Variants in SLC44A3 observed in about 807,000 individuals in gnomAD.
SLC44A3 encodes solute carrier family 44 member 3, also known as choline transporter-like protein 3.
A neutral mutation model predicts 75.4 loss-of-function variants in SLC44A3; 74 were observed. That is an observed-to-expected ratio of 0.98 (90% CI 0.81 to 1.19). SLC44A3 has a LOEUF of 1.19. Among genes scored for constraint, SLC44A3 ranks in the 50% most tolerant of loss-of-function variants. The pLI, the probability that SLC44A3 is intolerant of heterozygous loss-of-function variation, is 0.00. For synonymous variants in SLC44A3, 310 were observed against 296.9 expected (o/e 1.04, Z -0.45); for missense variants, 700 against 778.6 (o/e 0.90, Z 1.20).
At chr1:94,891,020 G>T in intron 12 of SLC44A3, 110 bp from the exon 13 acceptor site, 1 of 861,074 alleles carries the variant, frequency 1.2e-6, no homozygotes. Context: ...GTTATGGGTA[G>T]AGAGAGTAGG....
intron 9 of SLC44A3, among the ~76,000 whole-genome samples, 182 bp downstream of exon 9, chr1:94,845,646 A>T (rs957836455): frequency 6.6e-6 from 1 of 152,184 alleles, no homozygotes; most frequent in African/African-American, 2.4e-5. Flanking sequence ...TACCTCTTCT[A>T]TATTGGTTTT....
chr1:94,841,813 C>T (rs1301736019), intron 7 of SLC44A3, among the ~76,000 whole-genome samples, 187 bp from the exon 8 acceptor site: 1 of 152,192 alleles, frequency 6.6e-6, no homozygotes, highest in Non-Finnish European at 1.5e-5. Context: ...CTATGGGTTG[C>T]CCTGGCTCTG....
At chr1:94,849,127 C>T (rs1664853610) in intron 9 of SLC44A3, among the ~76,000 whole-genome samples, 1 of 152,126 alleles carries the variant, frequency 6.6e-6, no homozygotes, top group African/African-American at 2.4e-5. Context: ...GCAAGAGAGA[C>T]CTGGAGGTTA....
chr1:94,843,512 A>T (rs537037776), intron 8 of SLC44A3: 18 of 150,630 alleles, frequency 1.2e-4, no homozygotes, highest in African/African-American at 4.4e-4. Context: ...GTGCTCCCAG[A>T]TCCTGGAGCA....
At chr1:94,853,174 G>A (rs1381389368) in intron 9 of SLC44A3, among the ~76,000 whole-genome samples, 1 of 152,188 alleles carries the variant, frequency 6.6e-6, no homozygotes, top group Non-Finnish European at 1.5e-5. Context: ...AGTGACCAGT[G>A]GGTCGAAGGA....
chr1:94,867,119 C>T (rs1013928128), intron 11 of SLC44A3, among the ~76,000 whole-genome samples: 8 of 152,088 alleles, frequency 5.3e-5, no homozygotes, highest in African/African-American at 1.7e-4. Context: ...AATAGCACCC[C>T]TAACACGTAA....
At chr1:94,875,344 A>G (rs975842998) in intron 12 of SLC44A3, among the ~76,000 whole-genome samples, 12 of 152,328 alleles carry the variant, frequency 7.9e-5, no homozygotes, top group African/African-American at 2.6e-4. Context: ...CACTCCTTCC[A>G]CAGGGTAGGG....
intron 13 of SLC44A3, 134 bp downstream of exon 13, chr1:94,891,401 C>A: frequency 1.0e-6 from 1 of 956,228 alleles, no homozygotes; most frequent in Non-Finnish European, 1.5e-6. Flanking sequence ...CTCATTTAAT[C>A]CTCAATCCCA....
At chr1:94,888,814 C>T (rs2101663540) in intron 12 of SLC44A3, 2 of 653,744 alleles carry the variant, frequency 3.1e-6, no homozygotes, top group African/African-American at 2.0e-5. Flanking sequence ...ACTTCAACCT[C>T]TGCTTCCCGG....
chr1:94,820,582 C>T lies in SLC44A3; in HGVS notation c.27+104C>T, dbSNP rs912189103. The T allele has an allele frequency of 2.8e-4, 404 of 1,428,920 alleles. 3 individuals are homozygous for T. Among genetic ancestry groups the T allele is most frequent in the Middle Eastern group, 1.0e-3 (5 of 4,898 alleles). The allele number at this position is 1,428,920 out of a possible 1,614,324, so 88.5% of individuals were successfully genotyped here. ...GCCGGACGCTTCCGCCTTTCCCGCG[C>T]CTCGGGGATCCCGCCCCCGCTTAGT... On this transcript the variant is annotated intron_variant, in intron 1 of 14. Coordinates refer to ENST00000271227, the MANE Select transcript of SLC44A3 (RefSeq NM_001114106.3).
chr1:94,859,772 C>T (rs938390836), intron 10 of SLC44A3, among the ~76,000 whole-genome samples: 6 of 152,108 alleles, frequency 3.9e-5, no homozygotes, highest in African/African-American at 1.2e-4. Context: ...GAAATGAGGT[C>T]CCCCACATAC....
At chr1:94,865,128 G>A (rs936745849) in intron 11 of SLC44A3, among the ~76,000 whole-genome samples, 8 of 152,040 alleles carry the variant, frequency 5.3e-5, no homozygotes, top group Non-Finnish European at 8.8e-5. Context: ...TCTCCAACTC[G>A]GTGGAGATGG....
In SLC44A3 at chr1:94,880,917, G is replaced by A. The variant is rs552115859; in HGVS notation, c.1483-10213G>A. Among the ~76,000 whole-genome samples, 5 of 146,384 alleles carry A rather than the reference G, an allele frequency of 3.4e-5. No individual in the cohort carries two copies. The East Asian group carries it at 1.0e-3, about 30-fold the overall frequency. ...TTTTTTAATGACAAAAAAAAAAAAG[G>A]CAAAGAGCTGGTGTGGTGGCATGCA... is the stretch of plus-strand genomic sequence containing the variant. On this transcript the variant is annotated intron_variant, in intron 12 of 14. Transcript: ENST00000271227.
intron 12 of SLC44A3, among the ~76,000 whole-genome samples, chr1:94,880,829 A>G (rs1399245093): frequency 6.6e-6 from 1 of 151,782 alleles, no homozygotes. Context: ...ATGTGAATAT[A>G]CTTAACACTA....
rs1661074741 is a variant in SLC44A3, at chr1:94,824,725, A to C, written c.278+90A>C. 2.1e-6 allele frequency: 3 copies of C among 1,434,312 alleles called. No individual in the cohort carries two copies. The Admixed American group carries it at 7.7e-5, about 37-fold the overall frequency. 88.8% of individuals were successfully genotyped at this position (1,434,312 alleles called of 1,614,324 possible). A position where few individuals can be genotyped will look rare whatever the true frequency, so the allele number is the denominator to read the frequency against. ...CATTTGGAGCCTGGAAACTTTTCCC[A>C]TTCAAAACTCTGTCAGCCTATTTTA... On this transcript the variant is annotated intron_variant, in intron 3 of 14. Transcript: ENST00000271227.
intron 14 of SLC44A3, 48 bp downstream of exon 14, chr1:94,892,565 T>G: frequency 6.4e-7 from 1 of 1,566,128 alleles, no homozygotes. Context: ...CTCGCAATCT[T>G]GAAAGTTTTG....
chr1:94,838,202 A>G (rs1014773074), intron 6 of SLC44A3, among the ~76,000 whole-genome samples: 2 of 152,182 alleles, frequency 1.3e-5, no homozygotes, highest in African/African-American at 4.8e-5. Context: ...GTGACCAGAA[A>G]CCATGTCTTC....
At chr1:94,856,757 A>C (rs1283428459) in intron 9 of SLC44A3, among the ~76,000 whole-genome samples, 3 of 151,716 alleles carry the variant, frequency 2.0e-5, no homozygotes, top group Non-Finnish European at 2.9e-5. Flanking sequence ...GGAGACTGGA[A>C]TCTTGCTCTG....
At chr1:94,888,461 C>T (rs1382330150) in intron 12 of SLC44A3, among the ~76,000 whole-genome samples, 1 of 152,096 alleles carries the variant, frequency 6.6e-6, no homozygotes, top group African/African-American at 2.4e-5. Flanking sequence ...GCTTTGAAAA[C>T]CCAAGATGAT....
Sources: allele counts gnomAD v4.1 joint callset (sites outside exome capture counted in the v4.1 genomes callset), GRCh38; gene constraint gnomAD v4.1.1; transcripts MANE v1.5; gene names NCBI Gene and HGNC (gene_info 2026-07-23, HGNC 2026-07-21).